The following SHC3 variants were observed in gnomAD, a reference collection of about 807,000 sequenced individuals.
SHC3 encodes SHC-transforming protein 3.
SHC3 carries 15 observed loss-of-function variants against 60.4 expected under a neutral mutation model. That is an observed-to-expected ratio of 0.25 (90% CI 0.17 to 0.38). SHC3 has a LOEUF of 0.38. SHC3 is among the 10% of genes least tolerant of loss of function. SHC3 has a pLI of 1.00. For missense variants in SHC3, 677 were observed against 786.1 expected (o/e 0.86, Z 1.66); for synonymous variants, 294 against 325.9 (o/e 0.90, Z 1.05).
intron 6 of SHC3, among the ~76,000 whole-genome samples, chr9:89,056,249 T>C (rs1179285058): frequency 1.3e-5 from 2 of 152,212 alleles, no homozygotes; most frequent in African/African-American, 4.8e-5. Flanking sequence ...CTTTTCTTTT[T>C]CTTTTTCTTT....
chr9:89,049,920 C>T (rs1006062471), intron 7 of SHC3, among the ~76,000 whole-genome samples: 1 of 152,012 alleles, frequency 6.6e-6, no homozygotes, highest in East Asian at 1.9e-4. Flanking sequence ...CTGGAGTCAC[C>T]GAGTCTACTC....
chr9:89,038,726 T>C (rs1216729536), intron 10 of SHC3, among the ~76,000 whole-genome samples: 1 of 152,260 alleles, frequency 6.6e-6, no homozygotes, highest in Admixed American at 6.5e-5. Context: ...CTACAAAGCT[T>C]TGATTTTATG....
Position 89,110,209 on chromosome 9 carries a change from T to C in SHC3, c.545+2347A>G, listed in dbSNP as rs573080887. On this transcript the variant is annotated intron_variant, in intron 2 of 11. Coordinates refer to ENST00000375835, the MANE Select transcript of SHC3 (RefSeq NM_016848.6). ...TCAATTCTGAAGTGGAGTCCTCACATTTGTGTATACAAAGTGAAATGCTGG... is the reference window on the plus strand; with the variant it reads ...TCAATTCTGAAGTGGAGTCCTCACACTTGTGTATACAAAGTGAAATGCTGG... The C allele has an allele frequency of 8.1e-6, 8 of 985,436 alleles. No homozygotes were observed. The East Asian group carries it at 9.1e-4, about 112-fold the overall frequency. The allele number at this position is 985,436 out of a possible 1,614,324, so 61.0% of individuals were successfully genotyped here.
At chr9:89,038,340 G>GAAAAA in intron 10 of SHC3, 52 bp from the exon 11 acceptor site, 1 of 880,562 alleles carries the variant, frequency 1.1e-6, no homozygotes, top group Non-Finnish European at 1.5e-6. Flanking sequence ...AAGAGCAAAT[G>GAAAAA]ATAAAAAAAA....
rs1334407552 is a variant in SHC3 at position 89,011,149 on chromosome 9, A to G, written c.*2298T>C. The G allele has an allele frequency of 6.6e-6, 1 of 152,220 alleles. No individual in the cohort carries two copies. The highest frequency in any genetic ancestry group is 1.5e-5 in the Non-Finnish European group (1 of 68,034). The allele number at this position is 152,220 out of a possible 1,614,324, so 9.4% of individuals were successfully genotyped here. ...ATATATAATCTGAGCTTAAAAATGT[A>G]TATTTTGAATTAATATTAAAAAGAA... On this transcript the variant is annotated 3_prime_UTR_variant, in exon 12 of 12. Coordinates refer to ENST00000375835, the MANE Select transcript of SHC3 (RefSeq NM_016848.6).
chr9:89,101,972 A>G (rs1825790032), intron 2 of SHC3, among the ~76,000 whole-genome samples: 1 of 152,114 alleles, frequency 6.6e-6, no homozygotes, highest in Non-Finnish European at 1.5e-5. Context: ...CTCTAAAAAT[A>G]TTTTTACAAT....
chr9:89,168,634 T>C (rs1294299032), intron 1 of SHC3, among the ~76,000 whole-genome samples: 3 of 152,188 alleles, frequency 2.0e-5, no homozygotes, highest in African/African-American at 7.2e-5. Context: ...AAAATACTTC[T>C]AGAGTTTATG....
chr9:89,178,265 G>A lies in SHC3; in HGVS notation c.196C>T (p.His66Tyr). The change falls in exon 1 of 12, where the codon CAC becomes TAC. Residue 66 changes from histidine to tyrosine, a missense_variant. Transcript: ENST00000375835. This position sits in a 1 kb window ranked among gnomAD's most constrained non-coding sequence, Gnocchi z 6.9. ...AGGTGGGACACCTTGTGGAGCAGGT[G>A]GCCCAGGCTGCCGGGCCCATCGTCG... is the stretch of plus-strand genomic sequence containing the variant. ...APDDGPGSLG[H>Y]LLHKVSHLKL... 1 of 1,539,668 alleles carries A rather than the reference G, an allele frequency of 6.5e-7. No individual in the cohort carries two copies. Among genetic ancestry groups the A allele is most frequent in the Non-Finnish European group, 8.7e-7 (1 of 1,145,098 alleles).
At chr9:89,082,151 G>A (rs1466049145) in intron 2 of SHC3, among the ~76,000 whole-genome samples, 1 of 152,110 alleles carries the variant, frequency 6.6e-6, no homozygotes, top group African/African-American at 2.4e-5. Context: ...CCCCTCCAGG[G>A]CTCCACCCAA....
intron 1 of SHC3, among the ~76,000 whole-genome samples, chr9:89,145,111 T>A (rs1358439210): frequency 6.6e-6 from 1 of 151,792 alleles, no homozygotes; most frequent in Non-Finnish European, 1.5e-5. Flanking sequence ...TCCCCAGGAG[T>A]ACAGAAGAGT....
intron 6 of SHC3, among the ~76,000 whole-genome samples, chr9:89,060,685 A>G (rs1262819531): frequency 6.6e-6 from 1 of 151,950 alleles, no homozygotes; most frequent in Non-Finnish European, 1.5e-5. Flanking sequence ...TTTTATTTGG[A>G]GTGAGCAGAG....
At chr9:89,108,073 G>C (rs1209165824) in intron 2 of SHC3, among the ~76,000 whole-genome samples, 3 of 152,142 alleles carry the variant, frequency 2.0e-5, no homozygotes, top group Non-Finnish European at 4.4e-5. Flanking sequence ...ACAGAATTTG[G>C]TACGTCACAC....
chr9:89,157,549 G>A (rs972335203), intron 1 of SHC3, among the ~76,000 whole-genome samples: 15 of 152,178 alleles, frequency 9.9e-5, no homozygotes, highest in African/African-American at 2.4e-4. Flanking sequence ...GTGGTCATTT[G>A]TTAGATTGGC....
chr9:89,049,479 C>A (rs1296820565), intron 7 of SHC3, among the ~76,000 whole-genome samples: 2 of 152,150 alleles, frequency 1.3e-5, no homozygotes, highest in African/African-American at 2.4e-5. Context: ...TCCCTCCATT[C>A]ATTTTTGTGT....
intron 11 of SHC3, among the ~76,000 whole-genome samples, chr9:89,027,962 C>A (rs1250537897): frequency 1.3e-5 from 2 of 152,220 alleles, no homozygotes; most frequent in Non-Finnish European, 2.9e-5. Context: ...TCCTTACAGA[C>A]AAACTAGCAT....
At chr9:89,033,036 G>A (rs1824517574) in intron 11 of SHC3, among the ~76,000 whole-genome samples, 2 of 145,312 alleles carry the variant, frequency 1.4e-5, no homozygotes, top group Admixed American at 7.0e-5. Context: ...CCGAAGAACA[G>A]TCATTAGTAG....
Position 89,035,852 on chromosome 9 carries a change from T to TATA in SHC3, c.1656+2140_1656+2141insTAT, listed in dbSNP as rs372898972. Among the ~76,000 whole-genome samples, 653 of 82,032 alleles carry TATA rather than the reference T, an allele frequency of 8.0e-3. 5 individuals are homozygous for TATA. Among genetic ancestry groups the TATA allele is most frequent in the Non-Finnish European group, 0.012 (499 of 41,796 alleles). 53.8% of individuals were successfully genotyped at this position (82,032 alleles called of 152,430 possible). A position where few individuals can be genotyped will look rare whatever the true frequency, so the allele number is the denominator to read the frequency against. Reference sequence around the variant, plus strand: ...CAAAATATATATATATATATATAGATGTGTGTGTGTGTGTGTGTGTGTGTG... The same window carrying TATA: ...CAAAATATATATATATATATATAGATATAGTGTGTGTGTGTGTGTGTGTGTGTG... On this transcript the variant is annotated intron_variant, in intron 11 of 11. Coordinates refer to ENST00000375835, the MANE Select transcript of SHC3 (RefSeq NM_016848.6).
chr9:89,103,421 A>G (rs1193038010), intron 2 of SHC3, among the ~76,000 whole-genome samples: 2 of 152,138 alleles, frequency 1.3e-5, no homozygotes, highest in African/African-American at 4.8e-5. Flanking sequence ...GGAGGGGAGA[A>G]TGGGTGAAGT....
chr9:89,142,910 A>C (rs1284278632), intron 1 of SHC3, among the ~76,000 whole-genome samples: 2 of 151,972 alleles, frequency 1.3e-5, no homozygotes, highest in African/African-American at 4.8e-5. Flanking sequence ...CCCACCACTT[A>C]CCCCAAATTA....
Sources: allele counts gnomAD v4.1 joint callset (sites outside exome capture counted in the v4.1 genomes callset), GRCh38; gene constraint gnomAD v4.1.1; non-coding constraint Gnocchi (gnomAD v3.1); transcripts MANE v1.5; gene names NCBI Gene and HGNC (gene_info 2026-07-23, HGNC 2026-07-21).